The following ZNF431 variants were observed in gnomAD, a reference collection of about 807,000 sequenced individuals.
ZNF431 encodes the protein zinc finger protein 431.
Under a neutral mutation model 57.0 loss-of-function variants are expected in ZNF431, and 34 were observed. That is an observed-to-expected ratio of 0.60 (90% CI 0.45 to 0.79). The LOEUF (loss-of-function observed/expected upper bound fraction) is 0.79. Ranked by LOEUF, ZNF431 falls within the 30% of genes least tolerant of loss-of-function variation. The pLI is 0.00. For synonymous variants in ZNF431, 207 were observed against 220.3 expected (o/e 0.94, Z 0.54); for missense variants, 607 against 667.1 (o/e 0.91, Z 0.99).
At chr19:21,169,644 T>C (rs142171428) in intron 4 of ZNF431, among the ~76,000 whole-genome samples, 2 of 152,228 alleles carry the variant, frequency 1.3e-5, no homozygotes, top group East Asian at 3.9e-4. Flanking sequence ...TTGGACAGAT[T>C]GTATATATTC....
chr19:21,153,741 A>G (rs1970341287), intron 2 of ZNF431, among the ~76,000 whole-genome samples: 1 of 152,018 alleles, frequency 6.6e-6, no homozygotes, highest in East Asian at 1.9e-4. Flanking sequence ...TTTGAGACAA[A>G]GTTTCGCTCT....
chr19:21,149,401 T>G (rs1970200828), intron 2 of ZNF431, among the ~76,000 whole-genome samples: 1 of 152,210 alleles, frequency 6.6e-6, no homozygotes, highest in Non-Finnish European at 1.5e-5. Context: ...TCCAAAAGAT[T>G]ACTTGTCACA....
At chr19:21,145,094 G>A (rs554003712) in intron 2 of ZNF431, among the ~76,000 whole-genome samples, 13 of 20,960 alleles carry the variant, frequency 6.2e-4, no homozygotes, top group African/African-American at 2.3e-3. Flanking sequence ...ACATAGTTTC[G>A]AAAACCAAGT....
In ZNF431 at chr19:21,182,965, A is replaced by C. The variant is rs1308008620; in HGVS notation, c.662A>C (p.Gln221Pro). 2 of 1,614,100 alleles carry C rather than the reference A, an allele frequency of 1.2e-6. No individual in the cohort carries two copies. The highest frequency in any genetic ancestry group is 2.2e-5 in the South Asian group (2 of 91,070). The change falls in exon 5 of 5, where the codon CAA becomes CCA. Residue 221 changes from glutamine to proline, a missense_variant. Transcript: ENST00000311048. Reference protein sequence around the residue: ...KSFCMLLHLSQHKRIHIRENS... With the variant: ...KSFCMLLHLSPHKRIHIRENS... ...TTTTGCATGCTTTTACACCTAAGTC[A>C]ACATAAAAGAATTCATATTAGAGAG...
Position 21,187,152 on chromosome 19 carries a change from T to G in ZNF431, c.*3118T>G, listed in dbSNP as rs1003971349. On this transcript the variant is annotated 3_prime_UTR_variant, in exon 5 of 5. Coordinates refer to ENST00000311048, the MANE Select transcript of ZNF431 (RefSeq NM_133473.4). Reference sequence around the variant, plus strand: ...TTGATTGTTCATATAGAGAGGACATTTTTTTTCCAGACTGTAAAACTGAAT... The same window carrying G: ...TTGATTGTTCATATAGAGAGGACATGTTTTTTCCAGACTGTAAAACTGAAT... 5.9e-5 allele frequency: 9 copies of G among 152,208 alleles called. No homozygotes were observed. Among genetic ancestry groups the G allele is most frequent in the African/African-American group, 2.2e-4 (9 of 41,536 alleles). The allele number at this position is 152,208 out of a possible 1,614,324, so 9.4% of individuals were successfully genotyped here. A position where few individuals can be genotyped will look rare whatever the true frequency, so the allele number is the denominator to read the frequency against.
At position 21,193,882 on chromosome 19, in the gene ZNF431, C is replaced by A. The variant is rs1170845803; in HGVS notation, c.*9848C>A. On this transcript the variant is annotated 3_prime_UTR_variant, in exon 5 of 5. Coordinates refer to ENST00000311048, the MANE Select transcript of ZNF431 (RefSeq NM_133473.4). Reference sequence around the variant, plus strand: ...CTAAGCAATGATGAAACATACCTCACAATAATAAGAGCCATCTATGACAAA... The same window carrying A: ...CTAAGCAATGATGAAACATACCTCAAAATAATAAGAGCCATCTATGACAAA... 6.6e-6 allele frequency: 1 copy of A among 152,002 alleles called. No homozygotes were observed. The highest frequency in any genetic ancestry group is 2.4e-5 in the African/African-American group (1 of 41,392). 9.4% of individuals were successfully genotyped at this position (152,002 alleles called of 1,614,324 possible). A position where few individuals can be genotyped will look rare whatever the true frequency, so the allele number is the denominator to read the frequency against.
rs148266983 is a variant in ZNF431 at position 21,176,374 on chromosome 19, G to A, written c.320-6249G>A. Among the ~76,000 whole-genome samples, 1,113 of 151,820 alleles carry A rather than the reference G, an allele frequency of 7.3e-3. 13 individuals are homozygous for A. The highest frequency in any genetic ancestry group is 0.025 in the African/African-American group (1,039 of 41,398). On this transcript the variant is annotated intron_variant, in intron 4 of 4. Coordinates refer to ENST00000311048, the MANE Select transcript of ZNF431 (RefSeq NM_133473.4). ...TTCTGCCTCAGCCTCCTGAGTAGCTGGCATTACAGGCATGTGCCACCATGC... is the reference window on the plus strand; with the variant it reads ...TTCTGCCTCAGCCTCCTGAGTAGCTAGCATTACAGGCATGTGCCACCATGC...
intron 2 of ZNF431, among the ~76,000 whole-genome samples, chr19:21,154,897 T>C (rs1374959901): frequency 6.6e-6 from 1 of 152,240 alleles, no homozygotes; most frequent in Non-Finnish European, 1.5e-5. Context: ...TTTGTCTGAG[T>C]TCATTGCTGA....
At chr19:21,172,564 G>T (rs551685950) in intron 4 of ZNF431, among the ~76,000 whole-genome samples, 13 of 152,286 alleles carry the variant, frequency 8.5e-5, no homozygotes, top group African/African-American at 2.9e-4. Context: ...ATTTTGGGAA[G>T]CCAACACAGC....
intron 2 of ZNF431, among the ~76,000 whole-genome samples, chr19:21,153,622 T>C (rs534935348): frequency 1.8e-3 from 277 of 152,376 alleles, no homozygotes; most frequent in African/African-American, 6.5e-3. Context: ...GTTGTACTTT[T>C]TATAATAAAC....
rs144069326 is a variant in ZNF431, at chr19:21,173,770, G to A, written c.319+6104G>A. 4.8e-3 allele frequency among the ~76,000 whole-genome samples: 725 copies of A among 152,024 alleles called. 3 individuals carry two copies. The highest frequency in any genetic ancestry group is 0.017 in the African/African-American group (690 of 41,504). On this transcript the variant is annotated intron_variant, in intron 4 of 4. Transcript: ENST00000311048. The stretch of plus-strand genomic sequence containing the variant: ...TTGAACTCCTGACCTCAGATGATCC[G>A]TCCACCTCGACCTGCCAAGGTGCTG...
intron 4 of ZNF431, among the ~76,000 whole-genome samples, chr19:21,170,626 TAAC>T (rs1464983064): frequency 6.6e-6 from 1 of 152,022 alleles, no homozygotes; most frequent in Non-Finnish European, 1.5e-5. Context: ...ATCTAAATGA[TAAC>T]ATAATTTCTT....
intron 4 of ZNF431, among the ~76,000 whole-genome samples, chr19:21,174,227 A>C (rs1382918038): frequency 6.6e-6 from 1 of 152,078 alleles, no homozygotes; most frequent in African/African-American, 2.4e-5. Flanking sequence ...TAAGTTACAC[A>C]CTCAGGTATT....
chr19:21,162,777 A>G (rs1340909219), intron 2 of ZNF431: 4 of 984,430 alleles, frequency 4.1e-6, no homozygotes, highest in Non-Finnish European at 4.8e-6. Context: ...AATAAACTGT[A>G]TATTTTGGGA....
At chr19:21,146,906 C>T (rs1970115777) in intron 2 of ZNF431, among the ~76,000 whole-genome samples, 1 of 152,036 alleles carries the variant, frequency 6.6e-6, no homozygotes, top group African/African-American at 2.4e-5. Context: ...CACACTTAAT[C>T]CTGAGGGTTG....
At chr19:21,177,364 C>CTA (rs1275410267) in intron 4 of ZNF431, among the ~76,000 whole-genome samples, 2 of 152,154 alleles carry the variant, frequency 1.3e-5, no homozygotes, top group Non-Finnish European at 2.9e-5. Context: ...TCTCAGTTCT[C>CTA]TATTCTATTC....
intron 2 of ZNF431, among the ~76,000 whole-genome samples, chr19:21,161,064 A>C (rs1396992143): frequency 2.6e-5 from 4 of 152,132 alleles, no homozygotes; most frequent in African/African-American, 9.7e-5. Flanking sequence ...GCTACTCAGG[A>C]GGCTGAGGCA....
At chr19:21,172,038 G>A (rs1412843278) in intron 4 of ZNF431, among the ~76,000 whole-genome samples, 1 of 151,442 alleles carries the variant, frequency 6.6e-6, no homozygotes, top group Non-Finnish European at 1.5e-5. Context: ...TATTTTCTTT[G>A]TGTGAGAAAA....
chr19:21,167,438 T>C, intron 3 of ZNF431, 133 bp from the exon 4 acceptor site: 5 of 488,006 alleles, frequency 1.0e-5, no homozygotes, highest in Non-Finnish European at 1.5e-5. Flanking sequence ...AGATAACAGG[T>C]GTGAGCAACT....
Sources: allele counts gnomAD v4.1 joint callset (sites outside exome capture counted in the v4.1 genomes callset), GRCh38; gene constraint gnomAD v4.1.1; transcripts MANE v1.5; gene names NCBI Gene and HGNC (gene_info 2026-07-23, HGNC 2026-07-21).